MTUS2: variants seen among roughly 807,000 people sequenced by gnomAD.
MTUS2 encodes the protein microtubule-associated tumor suppressor candidate 2.
A neutral mutation model predicts 114.1 loss-of-function variants in MTUS2; 40 were observed. That is an observed-to-expected ratio of 0.35 (90% CI 0.27 to 0.46). MTUS2 has a LOEUF of 0.46. Among genes scored for constraint, MTUS2 ranks in the 20% least tolerant of loss-of-function variants. MTUS2 has a pLI of 1.00. For synonymous variants in MTUS2, 688 were observed against 672.0 expected, an observed-to-expected ratio of 1.02 and a Z score of -0.37; for missense variants, 1,679 against 1,705.4, an observed-to-expected ratio of 0.98 and a Z score of 0.27.
At chr13:29,181,873 A>G (rs7331017) in intron 5 of MTUS2, among the ~76,000 whole-genome samples, 111,984 of 151,486 alleles carry the variant, frequency 0.74, 41,496 homozygotes, top group East Asian at 0.8. Context: ...TTTCTTGCTG[A>G]TAATAGAAAA....
intron 3 of MTUS2, among the ~76,000 whole-genome samples, chr13:29,029,991 A>G (rs1261380102): frequency 2.6e-5 from 4 of 152,242 alleles, no homozygotes; most frequent in African/African-American, 9.6e-5. Flanking sequence ...AACCATAGCC[A>G]GAGCCTAGAT....
intron 8 of MTUS2, among the ~76,000 whole-genome samples, chr13:29,429,142 C>G (rs999120377): frequency 6.6e-6 from 1 of 152,228 alleles, no homozygotes; most frequent in Non-Finnish European, 1.5e-5. Context: ...GTAACTGTTG[C>G]ATTTTCCTGA....
chr13:29,256,474 G>A (rs1897286353), intron 5 of MTUS2, among the ~76,000 whole-genome samples: 1 of 152,230 alleles, frequency 6.6e-6, no homozygotes, highest in Admixed American at 6.5e-5. Flanking sequence ...AGCCCAGAGT[G>A]GGCAAGGAGG....
At chr13:29,279,923 A>G (rs1429888786) in intron 5 of MTUS2, among the ~76,000 whole-genome samples, 1 of 152,252 alleles carries the variant, frequency 6.6e-6, no homozygotes, top group Non-Finnish European at 1.5e-5. Flanking sequence ...ACTGTTAAAT[A>G]AAAGACTGTG....
At chr13:29,353,827 C>CCTTTGGT (rs1265721591) in intron 7 of MTUS2, among the ~76,000 whole-genome samples, 1 of 152,180 alleles carries the variant, frequency 6.6e-6, no homozygotes, top group Non-Finnish European at 1.5e-5. Flanking sequence ...TTATTTGTGG[C>CCTTTGGT]CTTTGGTGGA....
intron 8 of MTUS2, among the ~76,000 whole-genome samples, chr13:29,395,257 G>A (rs1288067115): frequency 6.6e-6 from 1 of 152,146 alleles, no homozygotes; most frequent in African/African-American, 2.4e-5. Flanking sequence ...GGTATAATGG[G>A]TCATGTCTGA....
chr13:28,941,225 G>A (rs1882216280), intron 2 of MTUS2, among the ~76,000 whole-genome samples: 1 of 151,788 alleles, frequency 6.6e-6, no homozygotes, highest in Admixed American at 6.6e-5. Context: ...TTGTTTATGT[G>A]GGTTATATTT....
At chr13:29,358,151 C>T (rs1470946197) in intron 7 of MTUS2, among the ~76,000 whole-genome samples, 2 of 152,132 alleles carry the variant, frequency 1.3e-5, no homozygotes, top group African/African-American at 4.8e-5. Context: ...AAGGAAAGAA[C>T]GTGCCTTTGA....
At chr13:29,384,050 G>A (rs1437783849) in intron 8 of MTUS2, among the ~76,000 whole-genome samples, 1 of 152,156 alleles carries the variant, frequency 6.6e-6, no homozygotes, top group Non-Finnish European at 1.5e-5. Flanking sequence ...ATACCTTTAA[G>A]CTAATGAATG....
chr13:29,227,765 A>G (rs1011097606), intron 5 of MTUS2, among the ~76,000 whole-genome samples: 23 of 152,218 alleles, frequency 1.5e-4, no homozygotes, highest in African/African-American at 4.1e-4. Flanking sequence ...TGCTACTCCT[A>G]GAAGTTACAT....
intron 8 of MTUS2, among the ~76,000 whole-genome samples, chr13:29,383,480 C>T (rs1452883016): frequency 1.3e-5 from 2 of 152,012 alleles, no homozygotes; most frequent in South Asian, 2.1e-4. Flanking sequence ...AAGGCAGGGA[C>T]GTGTTTCTAA....
intron 5 of MTUS2, among the ~76,000 whole-genome samples, chr13:29,110,551 A>G (rs1407632248): frequency 1.3e-5 from 2 of 152,210 alleles, no homozygotes; most frequent in Non-Finnish European, 2.9e-5. Context: ...TTACAAGAAA[A>G]AAAATGGAAT....
chr13:28,928,810 C>A (rs1258132209), intron 2 of MTUS2, among the ~76,000 whole-genome samples: 1 of 152,058 alleles, frequency 6.6e-6, no homozygotes, highest in Admixed American at 6.6e-5. Flanking sequence ...TTCACAAAAA[C>A]CAAAGTATGG....
At chr13:29,449,972 C>T (rs1214330242) in intron 9 of MTUS2, among the ~76,000 whole-genome samples, 6 of 152,196 alleles carry the variant, frequency 3.9e-5, no homozygotes, top group African/African-American at 9.7e-5. Context: ...TCCCCGTCCT[C>T]GGGGACCCAG....
chr13:29,337,536 A>C (rs1377787471), intron 7 of MTUS2, among the ~76,000 whole-genome samples: 1 of 150,952 alleles, frequency 6.6e-6, no homozygotes, highest in Non-Finnish European at 1.5e-5. Context: ...TACAAAAATC[A>C]CCCGCCTTCT....
intron 5 of MTUS2, among the ~76,000 whole-genome samples, chr13:29,146,048 A>G (rs1359459314): frequency 2.0e-5 from 3 of 152,208 alleles, no homozygotes; most frequent in African/African-American, 4.8e-5. Flanking sequence ...CTTTTTTGCT[A>G]TTGATGATGG....
chr13:28,894,947 G>T (rs542876323), intron 2 of MTUS2, among the ~76,000 whole-genome samples: 2 of 152,144 alleles, frequency 1.3e-5, no homozygotes, highest in Non-Finnish European at 1.5e-5. Context: ...CAATTTTGGG[G>T]ACCACAGTAG....
intron 5 of MTUS2, among the ~76,000 whole-genome samples, chr13:29,161,348 G>T (rs1202259218): frequency 6.6e-6 from 1 of 151,928 alleles, no homozygotes; most frequent in Non-Finnish European, 1.5e-5. Flanking sequence ...TCATGTGAGT[G>T]ATATAATTGA....
chr13:29,365,357 A>G (rs1233637922), intron 8 of MTUS2, among the ~76,000 whole-genome samples: 3 of 152,194 alleles, frequency 2.0e-5, no homozygotes, highest in Non-Finnish European at 4.4e-5. Flanking sequence ...TTGATACTGA[A>G]GCCTGATAAA....
Sources: gnomAD v4.1 joint callset for allele counts (sites outside exome capture counted in the v4.1 genomes callset) on GRCh38, gnomAD v4.1.1 for gene constraint, MANE v1.5 for transcripts, NCBI Gene and HGNC (gene_info 2026-07-23, HGNC 2026-07-21) for gene names.